The following POLQ variants were observed in gnomAD, a reference collection of about 807,000 sequenced individuals.
POLQ encodes the protein DNA polymerase theta.
Under a neutral mutation model 259.2 loss-of-function variants are expected in POLQ, and 233 were observed. The ratio of observed to expected loss-of-function variants is 0.90; its 90% confidence interval spans 0.81 to 1.00. POLQ has a LOEUF of 1.00. Among genes scored for constraint, POLQ ranks in the 50% least tolerant of loss-of-function variants. POLQ has a pLI of 0.00. For synonymous variants in POLQ, 1,025 were observed against 1,048.8 expected, an observed-to-expected ratio of 0.98 and a Z score of 0.44; for missense variants, 2,871 against 3,051.6, an observed-to-expected ratio of 0.94 and a Z score of 1.39.
At chr3:121,448,338 A>G (rs898558433) in intron 26 of POLQ, among the ~76,000 whole-genome samples, 82 of 151,914 alleles carry the variant, frequency 5.4e-4, no homozygotes, top group African/African-American at 1.6e-3. Context: ...TTCCTACTTC[A>G]GAATTTCTGC....
chr3:121,503,725 C>T (rs1228695583), intron 12 of POLQ, among the ~76,000 whole-genome samples: 1 of 152,164 alleles, frequency 6.6e-6, no homozygotes, highest in African/African-American at 2.4e-5. Flanking sequence ...ATAACCTATG[C>T]ACATCCTGCC....
intron 7 of POLQ, among the ~76,000 whole-genome samples, chr3:121,527,062 C>A (rs2048378781): frequency 6.6e-6 from 1 of 151,826 alleles, no homozygotes; most frequent in Non-Finnish European, 1.5e-5. Flanking sequence ...CATCACCACA[C>A]CTGGATATTT....
At chr3:121,436,373 A>C in intron 27 of POLQ, 98 bp from the exon 28 acceptor site, 4 of 1,196,256 alleles carry the variant, frequency 3.3e-6, no homozygotes, top group Non-Finnish European at 4.8e-6. Flanking sequence ...TTGCAGCCAG[A>C]CTGGAAAGCT....
chr3:121,452,328 G>T (rs1192108067), intron 25 of POLQ, among the ~76,000 whole-genome samples: 1 of 152,176 alleles, frequency 6.6e-6, no homozygotes, highest in Admixed American at 6.5e-5. Flanking sequence ...TGGTACCTCA[G>T]TTGGAAATGC....
At chr3:121,514,029 A>G (rs1207696878) in intron 9 of POLQ, among the ~76,000 whole-genome samples, 1 of 145,332 alleles carries the variant, frequency 6.9e-6, no homozygotes, top group Non-Finnish European at 1.5e-5. Context: ...TCTCAAAAAA[A>G]AAAAAAAAAA....
Position 121,511,986 on chromosome 3 carries a change from G to C in POLQ, c.1512C>G (p.Gly504=). Reference sequence around the variant, plus strand: ...TTAGAGAACCCTGAAGGAGAGCTATGCCTTTTGATTTCTCAGAGTTCTTAC... The same window carrying C: ...TTAGAGAACCCTGAAGGAGAGCTATCCCTTTTGATTTCTCAGAGTTCTTAC... ...LICKNSEKSK[G]IALLQGSLKP... is the part of the protein sequence containing the mutation. The change falls in exon 10 of 30, where the codon GGC becomes GGG. Residue 504 remains glycine (G), a synonymous_variant. Transcript: ENST00000264233. The C allele has an allele frequency of 4.3e-6, 7 of 1,613,406 alleles. No individual in the cohort carries two copies. Among genetic ancestry groups the C allele is most frequent in the Non-Finnish European group, 5.9e-6 (7 of 1,179,408 alleles).
intron 25 of POLQ, among the ~76,000 whole-genome samples, chr3:121,459,369 A>AT (rs58859161): frequency 0.23 from 24,012 of 104,482 alleles, 3,380 homozygotes; most frequent in Admixed American, 0.26. Flanking sequence ...GACTAGAAAG[A>AT]TTTTTTTTTT....
intron 1 of POLQ, 77 bp downstream of exon 1, chr3:121,545,638 G>A: frequency 7.3e-7 from 1 of 1,362,318 alleles, no homozygotes; most frequent in Non-Finnish European, 9.9e-7. Flanking sequence ...CAAGTCCCGT[G>A]GGGTGAGGAC....
rs545569423 is a variant in POLQ, at chr3:121,486,538, C to T, written c.5629+764G>A. Among the ~76,000 whole-genome samples, 15 of 150,540 alleles carry T rather than the reference C, an allele frequency of 1.0e-4. No homozygotes were observed. The South Asian group carries it at 3.2e-3, about 32-fold the overall frequency. On this transcript the variant is annotated intron_variant, in intron 16 of 29. Coordinates refer to ENST00000264233, the MANE Select transcript of POLQ (RefSeq NM_199420.4). ...CACTGTACTCCAGCCTGGCCAATAG[C>T]GAGATTCTGTCTAAAAAATAATAAT...
At chr3:121,450,694 C>T (rs1025431626) in intron 25 of POLQ, among the ~76,000 whole-genome samples, 29 of 152,126 alleles carry the variant, frequency 1.9e-4, no homozygotes, top group Admixed American at 1.2e-3. Context: ...GTGGGTAACC[C>T]GACCTTTCTC....
chr3:121,441,310 A>G (rs1201065366), intron 26 of POLQ, among the ~76,000 whole-genome samples: 1 of 152,202 alleles, frequency 6.6e-6, no homozygotes, highest in African/African-American at 2.4e-5. Flanking sequence ...CGCTTTAAAC[A>G]GCTTGAGGCA....
At chr3:121,545,287 T>C (rs2048523639) in intron 1 of POLQ, among the ~76,000 whole-genome samples, 1 of 152,130 alleles carries the variant, frequency 6.6e-6, no homozygotes, top group Non-Finnish European at 1.5e-5. Context: ...TTTAAAAAAC[T>C]GGGTCGACAT....
intron 8 of POLQ, among the ~76,000 whole-genome samples, chr3:121,521,392 C>T (rs1463374463): frequency 6.6e-6 from 1 of 152,010 alleles, no homozygotes; most frequent in Non-Finnish European, 1.5e-5. Context: ...TATATATACC[C>T]CCTCACACAC....
intron 25 of POLQ, among the ~76,000 whole-genome samples, chr3:121,457,688 C>T (rs1207113542): frequency 6.6e-6 from 1 of 152,152 alleles, no homozygotes; most frequent in African/African-American, 2.4e-5. Flanking sequence ...CAATGAGATA[C>T]CATCTCATAC....
chr3:121,494,806 C>A, intron 14 of POLQ: 1 of 1,498,814 alleles, frequency 6.7e-7, no homozygotes, highest in Non-Finnish European at 9.2e-7. Flanking sequence ...AGGATGAGAC[C>A]CACCGTCACT....
intron 25 of POLQ, among the ~76,000 whole-genome samples, chr3:121,450,789 G>A (rs2047668666): frequency 6.6e-6 from 1 of 152,104 alleles, no homozygotes; most frequent in African/African-American, 2.4e-5. Context: ...TTCTCGAGGA[G>A]TATCTTTGTG....
intron 7 of POLQ, among the ~76,000 whole-genome samples, chr3:121,527,376 T>G (rs1237401708): frequency 6.6e-6 from 1 of 152,124 alleles, no homozygotes; most frequent in African/African-American, 2.4e-5. Context: ...TTTTTAACTT[T>G]TGTAGAGATA....
intron 26 of POLQ, among the ~76,000 whole-genome samples, chr3:121,447,092 G>C (rs564529627): frequency 6.8e-6 from 1 of 146,404 alleles, no homozygotes; most frequent in East Asian, 2.0e-4. Context: ...TTAATTTCTT[G>C]CTTTTTAGTT....
At chr3:121,512,198 G>C (rs986510623) in intron 9 of POLQ, among the ~76,000 whole-genome samples, 169 bp from the exon 10 acceptor site, 3 of 152,198 alleles carry the variant, frequency 2.0e-5, no homozygotes, top group African/African-American at 7.2e-5. Flanking sequence ...AAGGGGATCA[G>C]AATATGCCAC....
Sources: gnomAD v4.1 joint callset for allele counts (sites outside exome capture counted in the v4.1 genomes callset) on GRCh38, gnomAD v4.1.1 for gene constraint, MANE v1.5 for transcripts, NCBI Gene and HGNC (gene_info 2026-07-23, HGNC 2026-07-21) for gene names.